Variants in CNOT11 observed in about 807,000 individuals in gnomAD.
CNOT11 encodes CCR4-NOT transcription complex subunit 11.
A neutral mutation model predicts 44.6 loss-of-function variants in CNOT11; 18 were observed. That is an observed-to-expected ratio of 0.40 (90% CI 0.28 to 0.60). CNOT11 has a LOEUF of 0.60. Ranked by LOEUF, CNOT11 falls within the 20% of genes least tolerant of loss-of-function variation. The pLI is 0.38. For missense variants in CNOT11, 513 were observed against 677.0 expected, an observed-to-expected ratio of 0.76 and a Z score of 2.69; for synonymous variants, 291 against 270.9, an observed-to-expected ratio of 1.07 and a Z score of -0.73.
intron 5 of CNOT11, among the ~76,000 whole-genome samples, chr2:101,267,157 CTG>C (rs1457029247): frequency 1.3e-5 from 2 of 152,116 alleles, no homozygotes; most frequent in Admixed American, 6.5e-5. Flanking sequence ...GAGTCTCACT[CTG>C]TTGCCCAGGC....
intron 2 of CNOT11, among the ~76,000 whole-genome samples, chr2:101,261,401 G>A (rs191066340): frequency 3.9e-5 from 6 of 152,284 alleles, no homozygotes; most frequent in Non-Finnish European, 7.3e-5. Flanking sequence ...TGCAGTGGCT[G>A]CCCTTCATTG....
In CNOT11 at chr2:101,269,397, C is replaced by G; in HGVS notation, c.1517C>G (p.Thr506Ser). Reference sequence around the variant, plus strand: ...GATACTGGGGAAACACCTTCTGAGACCAAAATGTCAAAATAATACCTCATC... The same window carrying G: ...GATACTGGGGAAACACCTTCTGAGAGCAAAATGTCAAAATAATACCTCATC... ...TLDTGETPSE[T>S]KMSK The change falls in exon 7 of 7, where the codon ACC (threonine) becomes AGC (serine). Residue 506 changes from threonine to serine, a missense_variant. Around this residue, in one of 4 missense-constraint regions of CNOT11, gnomAD observed 87 missense variants for 185.4 expected, o/e 0.47. Transcript: ENST00000289382. The surrounding 1 kb of genome is among the most constrained non-coding windows in gnomAD (Gnocchi z 4.8). 1 of 1,613,980 alleles carries G rather than the reference C, an allele frequency of 6.2e-7. No homozygotes were observed. The highest frequency in any genetic ancestry group is 8.5e-7 in the Non-Finnish European group (1 of 1,179,930).
At chr2:101,264,188 G>T (rs1449017265) in intron 3 of CNOT11, among the ~76,000 whole-genome samples, 2 of 152,224 alleles carry the variant, frequency 1.3e-5, no homozygotes, top group Admixed American at 6.5e-5. Flanking sequence ...ATTTATTTCA[G>T]TGGGTTTGTA....
chr2:101,267,397 C>T (rs976479336), intron 5 of CNOT11, among the ~76,000 whole-genome samples: 1 of 152,204 alleles, frequency 6.6e-6, no homozygotes, highest in South Asian at 2.1e-4. Context: ...GCAAGGATTA[C>T]AGGCATGAGC....
chr2:101,255,043 C>T (rs916286826), intron 1 of CNOT11, among the ~76,000 whole-genome samples: 9 of 152,174 alleles, frequency 5.9e-5, no homozygotes, highest in African/African-American at 1.9e-4. Flanking sequence ...GTCCGTAGAC[C>T]GCATTATACA....
intron 5 of CNOT11, among the ~76,000 whole-genome samples, chr2:101,267,254 C>T (rs555796820): frequency 6.6e-6 from 1 of 152,232 alleles, no homozygotes; most frequent in South Asian, 2.1e-4. Flanking sequence ...GCCCTAGTAG[C>T]TGGCATTACA....
Position 101,253,605 on chromosome 2 carries a change from C to A in CNOT11, c.514+127C>A. 1 of 940,482 alleles carries A rather than the reference C, an allele frequency of 1.1e-6. No individual in the cohort carries two copies. The highest frequency in any genetic ancestry group is 1.5e-6 in the Non-Finnish European group (1 of 667,396). The allele number at this position is 940,482 out of a possible 1,614,324, so 58.3% of individuals were successfully genotyped here. On this transcript the variant is annotated intron_variant, in intron 1 of 6. Coordinates refer to ENST00000289382, the MANE Select transcript of CNOT11 (RefSeq NM_017546.5). This position sits in a 1 kb window ranked among gnomAD's most constrained non-coding sequence, Gnocchi z 4.3. ...GTGAAATGATCATCCTCTTTTTCCG[C>A]CTCTCTCTGCGTTCCCACGCCCCTC...
At chr2:101,262,022 A>AT (rs755871029) in intron 2 of CNOT11, among the ~76,000 whole-genome samples, 4 of 150,604 alleles carry the variant, frequency 2.7e-5, no homozygotes, top group South Asian at 2.1e-4. Flanking sequence ...AATTTTTTGT[A>AT]TTTTTTTAGT....
Position 101,253,571 on chromosome 2 carries a change from A to G in CNOT11, c.514+93A>G. The G allele has an allele frequency of 8.9e-7, 1 of 1,118,150 alleles. No individual in the cohort carries two copies. Among genetic ancestry groups the G allele is most frequent in the Non-Finnish European group, 1.2e-6 (1 of 834,554 alleles). The allele number at this position is 1,118,150 out of a possible 1,614,324, so 69.3% of individuals were successfully genotyped here. A position where few individuals can be genotyped will look rare whatever the true frequency, so the allele number is the denominator to read the frequency against. ...GGGAACTCACCTGAAAGGGAAATTA[A>G]CTATCCCTGTGAAATGATCATCCTC... On this transcript the variant is annotated intron_variant, in intron 1 of 6. Transcript: ENST00000289382. The surrounding 1 kb of genome is among the most constrained non-coding windows in gnomAD (Gnocchi z 4.3).
intron 5 of CNOT11, among the ~76,000 whole-genome samples, chr2:101,268,378 C>T (rs1682038706): frequency 6.6e-6 from 1 of 152,198 alleles, no homozygotes; most frequent in Admixed American, 6.5e-5. Flanking sequence ...TGCAGAATCA[C>T]TTACATCTTT....
chr2:101,258,823 A>T (rs1311594738), intron 2 of CNOT11, among the ~76,000 whole-genome samples: 1 of 151,988 alleles, frequency 6.6e-6, no homozygotes, highest in Non-Finnish European at 1.5e-5. Flanking sequence ...CAAAAAAAAA[A>T]AAAAAAAGAA....
chr2:101,253,383 T>G lies in CNOT11; in HGVS notation c.419T>G (p.Leu140Arg). Reference sequence around the variant, plus strand: ...TGGGAGATGTACCGCACCGAGCCGCTGGCCGCCAACCCCTTCGCCGCCAGC... The same window carrying G: ...TGGGAGATGTACCGCACCGAGCCGCGGGCCGCCAACCCCTTCGCCGCCAGC... ...LLWEMYRTEP[L>R]AANPFAASFA... Residue 140 changes from leucine (L) to arginine (R), a missense_variant, in exon 1 of 7, where the codon CTG becomes CGG. Physicochemically the swap from Leu to Arg is moderately radical, Grantham distance 102. Transcript: ENST00000289382. The surrounding 1 kb of genome is among the most constrained non-coding windows in gnomAD (Gnocchi z 4.3). 1 of 1,593,118 alleles carries G rather than the reference T, an allele frequency of 6.3e-7. No homozygotes were observed. Among genetic ancestry groups the G allele is most frequent in the Non-Finnish European group, 8.5e-7 (1 of 1,176,466 alleles).
At chr2:101,267,904 A>G (rs953710710) in intron 5 of CNOT11, among the ~76,000 whole-genome samples, 1 of 152,082 alleles carries the variant, frequency 6.6e-6, no homozygotes, top group Non-Finnish European at 1.5e-5. Context: ...GTGCCAAGCA[A>G]CTAAACTTCA....
At chr2:101,257,473 T>C (rs72822987) in intron 1 of CNOT11, among the ~76,000 whole-genome samples, 4,721 of 151,962 alleles carry the variant, frequency 0.031, 97 homozygotes, top group Non-Finnish European at 0.048. Flanking sequence ...GAAGCACTCC[T>C]GGCCGATGTT....
At chr2:101,264,721 T>C in intron 3 of CNOT11, 124 bp from the exon 4 acceptor site, 1 of 727,518 alleles carries the variant, frequency 1.4e-6, no homozygotes, top group Non-Finnish European at 2.3e-6. Flanking sequence ...TTTTGAAGTA[T>C]GAGAGTTCTA....
intron 1 of CNOT11, among the ~76,000 whole-genome samples, chr2:101,257,565 G>A (rs1244743816): frequency 6.6e-6 from 1 of 152,054 alleles, no homozygotes; most frequent in Non-Finnish European, 1.5e-5. Flanking sequence ...CAGTTAACAA[G>A]TACAAAAACC....
chr2:101,259,243 A>G (rs898441790), intron 2 of CNOT11, among the ~76,000 whole-genome samples: 3 of 152,164 alleles, frequency 2.0e-5, no homozygotes, highest in East Asian at 3.8e-4. Flanking sequence ...CTATTTGTCT[A>G]TATGTCTGTC....
intron 3 of CNOT11, among the ~76,000 whole-genome samples, chr2:101,263,071 A>G (rs1025581538): frequency 1.3e-5 from 2 of 152,178 alleles, no homozygotes; most frequent in Non-Finnish European, 2.9e-5. Context: ...AAAATAAAAA[A>G]TTAGCCGAGT....
chr2:101,265,110 T>C (rs938237774), intron 4 of CNOT11, 63 bp downstream of exon 4: 33 of 1,266,308 alleles, frequency 2.6e-5, no homozygotes, highest in Non-Finnish European at 3.4e-5. Context: ...ATTAAAAAAA[T>C]TTGTTTTTGA....
Sources: allele counts gnomAD v4.1 joint callset (sites outside exome capture counted in the v4.1 genomes callset), GRCh38; gene constraint gnomAD v4.1.1; regional missense constraint gnomAD v4.1.1; non-coding constraint Gnocchi (gnomAD v3.1); transcripts MANE v1.5; gene names NCBI Gene and HGNC (gene_info 2026-07-23, HGNC 2026-07-21).